Variants in MTURN observed in about 807,000 individuals in gnomAD.
MTURN encodes the protein maturin, neural progenitor differentiation regulator homolog.
MTURN carries 7 observed loss-of-function variants against 14.9 expected under a neutral mutation model. That is an observed-to-expected ratio of 0.47 (90% CI 0.27 to 0.88). The LOEUF is 0.88. Ranked by LOEUF, MTURN falls within the 40% of genes least tolerant of loss-of-function variation. The pLI is 0.14. For synonymous variants in MTURN, 69 were observed against 72.5 expected (o/e 0.95, Z 0.25); for missense variants, 151 against 174.1 (o/e 0.87, Z 0.75).
chr7:30,135,512 C>T (rs933666870), intron 1 of MTURN, among the ~76,000 whole-genome samples: 1 of 151,506 alleles, frequency 6.6e-6, no homozygotes, highest in Non-Finnish European at 1.5e-5. Context: ...GCGGGCAAGG[C>T]GCCCGGAGGA....
chr7:30,141,113 A>G (rs1387164570), intron 1 of MTURN: 4 of 152,234 alleles, frequency 2.6e-5, no homozygotes, highest in South Asian at 2.1e-4. Flanking sequence ...AGTCCTAGGT[A>G]TGGCCAGCTG....
Position 30,135,390 on chromosome 7 carries a change from G to A in MTURN, c.162+92G>A, listed in dbSNP as rs574082009. 1.3e-4 allele frequency: 166 copies of A among 1,256,866 alleles called. 4 individuals are homozygous for A. In the South Asian group the frequency reaches 2.7e-3, roughly 20 times the overall value. 77.9% of individuals were successfully genotyped at this position (1,256,866 alleles called of 1,614,324 possible). On this transcript the variant is annotated intron_variant, in intron 1 of 2. Transcript: ENST00000324453. ...CCGAGCTCCCGCGCGGTGGGCGGCG[G>A]TGGGCGCAGAGTGGGGGGCCGTAAC... is the stretch of plus-strand genomic sequence containing the variant.
At chr7:30,142,808 A>G (rs1355188206) in intron 1 of MTURN, among the ~76,000 whole-genome samples, 1 of 152,104 alleles carries the variant, frequency 6.6e-6, no homozygotes, top group South Asian at 2.1e-4. Flanking sequence ...CGCTCTGACT[A>G]CCGCCTTATT....
chr7:30,135,455 G>C (rs1166748403), intron 1 of MTURN, among the ~76,000 whole-genome samples, 157 bp downstream of exon 1: 1 of 150,850 alleles, frequency 6.6e-6, no homozygotes, highest in South Asian at 2.1e-4. Context: ...GGGAAGCCCC[G>C]GGCCGGGCGG....
intron 1 of MTURN, among the ~76,000 whole-genome samples, chr7:30,142,553 A>G (rs927550867): frequency 9.9e-5 from 15 of 152,230 alleles, no homozygotes; most frequent in African/African-American, 3.6e-4. Context: ...TTGGAAATAC[A>G]TATTCTCAGC....
chr7:30,160,382 C>T lies in MTURN; in HGVS notation c.*2834C>T, dbSNP rs2128035194. ...AGGACTTATCTCAGCTGTACATGCT[C>T]TGCCTGTGGAGACATGGCTTTTCTT... On this transcript the variant is annotated 3_prime_UTR_variant, in exon 3 of 3. Transcript: ENST00000324453. 1 of 152,432 alleles carries T rather than the reference C, an allele frequency of 6.6e-6. No individual in the cohort carries two copies. The highest frequency in any genetic ancestry group is 1.9e-4 in the East Asian group (1 of 5,188). 9.4% of individuals were successfully genotyped at this position (152,432 alleles called of 1,614,324 possible).
At chr7:30,153,903 A>G (rs1797247256) in intron 2 of MTURN, among the ~76,000 whole-genome samples, 1 of 152,174 alleles carries the variant, frequency 6.6e-6, no homozygotes, top group East Asian at 1.9e-4. Flanking sequence ...TTTTTAGTAG[A>G]GATGGTGTTT....
intron 1 of MTURN, chr7:30,137,630 T>TA (rs1281197143): frequency 4.2e-6 from 2 of 471,126 alleles, no homozygotes; most frequent in African/African-American, 4.0e-5. Flanking sequence ...CTGGAGGCTC[T>TA]AATGGACAAG....
At chr7:30,138,596 T>C (rs1797002366) in intron 1 of MTURN, among the ~76,000 whole-genome samples, 1 of 152,062 alleles carries the variant, frequency 6.6e-6, no homozygotes. Context: ...CTTACTGTAG[T>C]ACTGAAGTGG....
chr7:30,136,298 G>C (rs891259006), intron 1 of MTURN, among the ~76,000 whole-genome samples: 4 of 152,236 alleles, frequency 2.6e-5, no homozygotes, highest in African/African-American at 9.6e-5. Flanking sequence ...GCGGAGGGCA[G>C]GGGAGTCGGG....
chr7:30,138,433 C>T (rs992612031), intron 1 of MTURN, among the ~76,000 whole-genome samples: 8 of 152,116 alleles, frequency 5.3e-5, no homozygotes, highest in Non-Finnish European at 8.8e-5. Context: ...ATAGTTTCTA[C>T]ATCTGTAAAA....
chr7:30,148,434 G>T (rs1797159749), intron 2 of MTURN, among the ~76,000 whole-genome samples: 5 of 152,224 alleles, frequency 3.3e-5, no homozygotes, highest in Admixed American at 2.6e-4. Flanking sequence ...CCCCCAAGGG[G>T]TTAGGCAGAA....
rs1017756913 is a variant in MTURN, at chr7:30,154,172, A to G, written c.286-3266A>G. ...TGGGCAGGAGAATCGCCTTACATGC[A>G]GTCCAGTGGCGGCAGGCTGGACAGA... On this transcript the variant is annotated intron_variant, in intron 2 of 2. Transcript: ENST00000324453. Among the ~76,000 whole-genome samples the G allele has an allele frequency of 8.9e-4, 136 of 152,278 alleles. 1 individual carries two copies. The highest frequency in any genetic ancestry group is 3.0e-3 in the African/African-American group (126 of 41,556).
intron 1 of MTURN, among the ~76,000 whole-genome samples, chr7:30,138,982 AC>A (rs1180234196): frequency 6.6e-6 from 1 of 151,980 alleles, no homozygotes; most frequent in African/African-American, 2.4e-5. Context: ...CTTAGATCTC[AC>A]CCTCTTTTAT....
At chr7:30,155,274 A>G (rs947161562) in intron 2 of MTURN, among the ~76,000 whole-genome samples, 10 of 152,164 alleles carry the variant, frequency 6.6e-5, no homozygotes, top group South Asian at 2.1e-4. Flanking sequence ...ATGAACAATT[A>G]TATATATTGT....
At chr7:30,139,351 T>C (rs1797013584) in intron 1 of MTURN, among the ~76,000 whole-genome samples, 1 of 152,168 alleles carries the variant, frequency 6.6e-6, no homozygotes, top group Non-Finnish European at 1.5e-5. Context: ...TATCTCTGTT[T>C]TACAGAGGAA....
chr7:30,147,872 C>T (rs1378317781), intron 2 of MTURN, among the ~76,000 whole-genome samples: 1 of 152,204 alleles, frequency 6.6e-6, no homozygotes, highest in Non-Finnish European at 1.5e-5. Context: ...CAGTTTGGCA[C>T]ATTCAAAATA....
At chr7:30,143,541 G>A (rs1562568290) in intron 1 of MTURN, among the ~76,000 whole-genome samples, 4 of 152,056 alleles carry the variant, frequency 2.6e-5, no homozygotes, top group African/African-American at 4.8e-5. Context: ...TTAAGTGACC[G>A]TGTACACCCG....
chr7:30,157,352 A>T, intron 2 of MTURN, 86 bp from the exon 3 acceptor site: 2 of 1,143,300 alleles, frequency 1.7e-6, no homozygotes, highest in Non-Finnish European at 1.2e-6. Flanking sequence ...AGTACTCTTT[A>T]ATGTGGATCC....
Sources: allele counts gnomAD v4.1 joint callset (sites outside exome capture counted in the v4.1 genomes callset), GRCh38; gene constraint gnomAD v4.1.1; transcripts MANE v1.5; gene names NCBI Gene and HGNC (gene_info 2026-07-23, HGNC 2026-07-21).